The following TENM2 variants were observed in gnomAD, a reference collection of about 807,000 sequenced individuals.
TENM2 encodes the protein teneurin transmembrane protein 2.
A neutral mutation model predicts 245.2 loss-of-function variants in TENM2; 52 were observed. The ratio of observed to expected loss-of-function variants is 0.21; its 90% confidence interval spans 0.17 to 0.27. TENM2 has a LOEUF of 0.27. Among genes scored for constraint, TENM2 ranks in the 10% least tolerant of loss-of-function variants. TENM2 has a pLI of 1.00. For missense variants in TENM2, 3,046 were observed against 3,666.8 expected (o/e 0.83, Z 4.37); for synonymous variants, 1,363 against 1,438.9 (o/e 0.95, Z 1.19).
the TENM2 span, among the ~76,000 whole-genome samples, chr5:167,239,497 C>T: frequency 6.6e-6 from 1 of 152,120 alleles, no homozygotes; most frequent in Non-Finnish European, 1.5e-5. Flanking sequence ...CTCAATAGTC[C>T]AGCTACATTA....
chr5:167,676,459 G>C (rs1439865218), intron 2 of TENM2, among the ~76,000 whole-genome samples: 1 of 152,078 alleles, frequency 6.6e-6, no homozygotes, highest in Non-Finnish European at 1.5e-5. Flanking sequence ...TATTTCTAAT[G>C]TCTGGTACTC....
chr5:167,895,186 T>A lies in TENM2; in HGVS notation c.712+18991T>A, dbSNP rs191114595. Among the ~76,000 whole-genome samples the A allele has an allele frequency of 1.2e-4, 18 of 152,162 alleles. No individual in the cohort carries two copies. The East Asian group carries it at 3.5e-3, about 29-fold the overall frequency. On this transcript the variant is annotated intron_variant, in intron 3 of 28. Transcript: ENST00000518659. ...CTCAAAGTTATTTGACCAGAGAGCATTTTTCCTCCTCCTCTCCCTCCTCCT... is the reference window on the plus strand; with the variant it reads ...CTCAAAGTTATTTGACCAGAGAGCAATTTTCCTCCTCCTCTCCCTCCTCCT...
chr5:167,959,304 C>T (rs1363912232), intron 4 of TENM2, among the ~76,000 whole-genome samples: 7 of 151,828 alleles, frequency 4.6e-5, no homozygotes, highest in Admixed American at 4.6e-4. Context: ...ACGCCATTCT[C>T]CTGACTCAGC....
chr5:167,352,714 ATCT>A (rs577272620), intron 1 of TENM2, among the ~76,000 whole-genome samples: 6 of 152,246 alleles, frequency 3.9e-5, no homozygotes, highest in Non-Finnish European at 7.3e-5. Flanking sequence ...AAATTTGGCA[ATCT>A]TCTTCTTAGA....
the TENM2 span, among the ~76,000 whole-genome samples, chr5:167,015,006 A>G: frequency 6.6e-6 from 1 of 152,220 alleles, no homozygotes; most frequent in Non-Finnish European, 1.5e-5. Context: ...CCATCATGCA[A>G]ACCTGTTCTC....
chr5:167,163,634 C>G, the TENM2 span, among the ~76,000 whole-genome samples: 1 of 152,098 alleles, frequency 6.6e-6, no homozygotes, highest in Non-Finnish European at 1.5e-5. Flanking sequence ...ATCAGTGCTG[C>G]TTTAAATCAG....
chr5:168,096,520 G>C (rs971427788), intron 8 of TENM2, among the ~76,000 whole-genome samples: 1 of 152,188 alleles, frequency 6.6e-6, no homozygotes, highest in African/African-American at 2.4e-5. Context: ...GTTTTCCTCA[G>C]AGTGCCAGAA....
At chr5:167,056,558 T>A in the TENM2 span, among the ~76,000 whole-genome samples, 2 of 144,940 alleles carry the variant, frequency 1.4e-5, no homozygotes, top group African/African-American at 5.1e-5. Flanking sequence ...TAAATATATA[T>A]CTATATAAAT....
intron 2 of TENM2, among the ~76,000 whole-genome samples, chr5:167,598,249 A>T (rs1281205831): frequency 9.9e-5 from 15 of 152,152 alleles, no homozygotes; most frequent in Admixed American, 9.8e-4. Context: ...TGGAACATGA[A>T]ATTTGTCATT....
At chr5:167,655,718 T>A (rs971138726) in intron 2 of TENM2, among the ~76,000 whole-genome samples, 4 of 152,232 alleles carry the variant, frequency 2.6e-5, no homozygotes, top group Non-Finnish European at 5.9e-5. Flanking sequence ...ATTCAACTAT[T>A]TGGCTAATCA....
At chr5:166,990,459 A>T in the TENM2 span, among the ~76,000 whole-genome samples, 1,391 of 152,296 alleles carry the variant, frequency 9.1e-3, 12 homozygotes, top group Non-Finnish European at 0.015. Context: ...CAATAAAATA[A>T]TCCGGCTGGC....
Position 167,321,781 on chromosome 5 carries a change from G to GTTTTTT in TENM2, c.226+36718_226+36719insTTTTTT, listed in dbSNP as rs1554133753. 1.1e-3 allele frequency among the ~76,000 whole-genome samples: 41 copies of GTTTTTT among 38,720 alleles called. 6 individuals carry two copies. Among genetic ancestry groups the GTTTTTT allele is most frequent in the Non-Finnish European group, 1.8e-3 (37 of 20,596 alleles). 25.4% of individuals were successfully genotyped at this position (38,720 alleles called of 152,430 possible). A position where few individuals can be genotyped will look rare whatever the true frequency, so the allele number is the denominator to read the frequency against. ...TTGAATCTGTTGTCTTGCTGCCTTG[G>GTTTTTT]CTTATTTTTTTTTTTTTTTTGGGGG... On this transcript the variant is annotated intron_variant, in intron 1 of 28. Transcript: ENST00000518659.
At chr5:167,095,057 A>C in the TENM2 span, among the ~76,000 whole-genome samples, 2 of 152,174 alleles carry the variant, frequency 1.3e-5, no homozygotes, top group African/African-American at 2.4e-5. Context: ...TCTAATTCAC[A>C]GAACTGTTTA....
the TENM2 span, among the ~76,000 whole-genome samples, chr5:167,090,092 G>A: frequency 2.0e-5 from 3 of 152,018 alleles, no homozygotes; most frequent in Admixed American, 1.3e-4. Flanking sequence ...GTGCACAGGT[G>A]GGCTTATTTT....
chr5:167,137,711 T>C, the TENM2 span, among the ~76,000 whole-genome samples: 14 of 152,218 alleles, frequency 9.2e-5, no homozygotes, highest in Admixed American at 8.5e-4. Context: ...GACTCATAGT[T>C]GTGAGTAATA....
At chr5:167,989,564 G>A (rs192791515) in intron 4 of TENM2, among the ~76,000 whole-genome samples, 15 of 152,270 alleles carry the variant, frequency 9.9e-5, no homozygotes, top group South Asian at 2.1e-4. Context: ...ATGTTGTAGA[G>A]AGCTTGGTTC....
the TENM2 span, among the ~76,000 whole-genome samples, chr5:167,092,115 C>G: frequency 4.0e-5 from 6 of 151,876 alleles, no homozygotes; most frequent in Non-Finnish European, 8.8e-5. Flanking sequence ...TTTGTCCTGC[C>G]CCCTGTTTTT....
At chr5:168,150,118 G>A (rs887590951) in intron 12 of TENM2, among the ~76,000 whole-genome samples, 1 of 152,038 alleles carries the variant, frequency 6.6e-6, no homozygotes, top group Admixed American at 6.6e-5. Context: ...ATTGTTTATT[G>A]TAGGTCTCCT....
chr5:167,344,643 T>C (rs188028302), intron 1 of TENM2, among the ~76,000 whole-genome samples: 1 of 152,326 alleles, frequency 6.6e-6, no homozygotes, highest in Non-Finnish European at 1.5e-5. Flanking sequence ...CTTTACCCTT[T>C]CTAGCAATCA....
Sources: gnomAD v4.1 joint callset for allele counts (sites outside exome capture counted in the v4.1 genomes callset) on GRCh38, gnomAD v4.1.1 for gene constraint, MANE v1.5 for transcripts, NCBI Gene and HGNC (gene_info 2026-07-23, HGNC 2026-07-21) for gene names.